Variants in EML4 observed in about 807,000 individuals in gnomAD.
EML4 encodes echinoderm microtubule-associated protein-like 4.
In EML4, 72 loss-of-function variants were observed where a neutral mutation model predicts 129.0. That is an observed-to-expected ratio of 0.56 (90% CI 0.46 to 0.68). The LOEUF (loss-of-function observed/expected upper bound fraction) is 0.68, where lower values mean the gene tolerates loss of function less well. EML4 is among the 30% of genes least tolerant of loss of function. EML4 has a pLI of 0.00. For synonymous variants in EML4, 532 were observed against 405.0 expected (o/e 1.31, Z -3.77); for missense variants, 1,363 against 1,190.6 (o/e 1.14, Z -2.13).
intron 2 of EML4, among the ~76,000 whole-genome samples, chr2:42,251,260 C>G (rs1456995153): frequency 2.0e-5 from 3 of 152,252 alleles, no homozygotes; most frequent in Admixed American, 6.5e-5. Flanking sequence ...CAAACCTAAA[C>G]ATAGAAAAGA....
intron 1 of EML4, among the ~76,000 whole-genome samples, chr2:42,200,092 G>A (rs964071636): frequency 2.7e-4 from 40 of 146,206 alleles, no homozygotes; most frequent in African/African-American, 9.1e-4. Context: ...GGCAGATCGC[G>A]AAGTCAGGAG....
At chr2:42,214,142 C>CTCTT (rs1291457590) in intron 1 of EML4, among the ~76,000 whole-genome samples, 1 of 152,150 alleles carries the variant, frequency 6.6e-6, no homozygotes, top group African/African-American at 2.4e-5. Context: ...TCTCTGTTAA[C>CTCTT]TCTTTCTTAA....
intron 1 of EML4, among the ~76,000 whole-genome samples, chr2:42,202,834 C>T (rs868395419): frequency 6.6e-6 from 1 of 152,088 alleles, no homozygotes; most frequent in East Asian, 1.9e-4. Flanking sequence ...AACCATCACA[C>T]CTGGGCAACG....
intron 1 of EML4, among the ~76,000 whole-genome samples, chr2:42,176,756 T>G (rs1209046636): frequency 6.6e-6 from 1 of 152,204 alleles, no homozygotes; most frequent in East Asian, 1.9e-4. Flanking sequence ...TTACAATTGT[T>G]ATGTCTTATT....
Position 42,330,187 on chromosome 2 carries a change from G to C in EML4, c.2926G>C (p.Asp976His), listed in dbSNP as rs1670030761. The C allele has an allele frequency of 1.2e-6, 2 of 1,612,742 alleles. No homozygotes were observed. The highest frequency in any genetic ancestry group is 1.7e-6 in the Non-Finnish European group (2 of 1,179,822). Residue 976 changes from aspartate to histidine, a missense_variant, in exon 23 of 23, where the codon GAC becomes CAC. Physicochemically the swap from Asp to His is moderately conservative, Grantham distance 81. Coordinates refer to ENST00000318522, the MANE Select transcript of EML4 (RefSeq NM_019063.5). Reference protein sequence around the residue: ...AKATLLEDQQDPSPSS With the variant: ...AKATLLEDQQHPSPSS Reference sequence around the variant, plus strand: ...AGCCACCCTTCTGGAGGACCAGCAAGACCCTTCGCCCTCGTCCTAACACCC... The same window carrying C: ...AGCCACCCTTCTGGAGGACCAGCAACACCCTTCGCCCTCGTCCTAACACCC...
chr2:42,327,395 T>A (rs1669864425), intron 21 of EML4, among the ~76,000 whole-genome samples: 1 of 152,244 alleles, frequency 6.6e-6, no homozygotes, highest in Admixed American at 6.5e-5. Context: ...GGTAACTGTA[T>A]GTTTACTCTT....
At chr2:42,295,778 T>C (rs1558585145) in intron 13 of EML4, among the ~76,000 whole-genome samples, 1 of 152,184 alleles carries the variant, frequency 6.6e-6, no homozygotes, top group Non-Finnish European at 1.5e-5. Context: ...ATGATATGGA[T>C]ATATGTTAGT....
chr2:42,252,610 A>T (rs1255355734), intron 2 of EML4, among the ~76,000 whole-genome samples: 1 of 152,160 alleles, frequency 6.6e-6, no homozygotes, highest in Non-Finnish European at 1.5e-5. Context: ...CTTTTGTTCT[A>T]CGTGCTGGCC....
intron 10 of EML4, among the ~76,000 whole-genome samples, 162 bp from the exon 11 acceptor site, chr2:42,288,065 A>G (rs897345296): frequency 6.6e-6 from 1 of 152,206 alleles, no homozygotes; most frequent in East Asian, 1.9e-4. Context: ...TGAGGAAAAT[A>G]CAATTGTAGT....
At chr2:42,170,387 C>T (rs1670199339) in intron 1 of EML4, 1 of 152,182 alleles carries the variant, frequency 6.6e-6, no homozygotes. Flanking sequence ...AGAAGTGATT[C>T]TGCCCAATGA....
At chr2:42,288,387 A>G (rs1266173501) in intron 11 of EML4, 65 bp downstream of exon 11, 2 of 829,256 alleles carry the variant, frequency 2.4e-6, no homozygotes, top group Non-Finnish European at 4.0e-6. Flanking sequence ...GGTATTTGGA[A>G]CTATATTGGT....
At chr2:42,288,801 A>G (rs1347850811) in intron 11 of EML4, 1 of 152,576 alleles carries the variant, frequency 6.6e-6, no homozygotes, top group Non-Finnish European at 1.5e-5. Context: ...CTATAATTGC[A>G]TTATAACTCT....
At chr2:42,270,520 A>C (rs1666306640) in intron 6 of EML4, among the ~76,000 whole-genome samples, 1 of 152,108 alleles carries the variant, frequency 6.6e-6, no homozygotes, top group Non-Finnish European at 1.5e-5. Context: ...ATGTTTTCTG[A>C]CCTTTTGGCT....
At chr2:42,255,254 T>C (rs964995140) in intron 2 of EML4, among the ~76,000 whole-genome samples, 3 of 151,644 alleles carry the variant, frequency 2.0e-5, no homozygotes, top group Non-Finnish European at 2.9e-5. Flanking sequence ...CCTGGCTAAT[T>C]TTTTGTATTT....
At chr2:42,291,049 C>G (rs908048779) in intron 11 of EML4, among the ~76,000 whole-genome samples, 4 of 152,232 alleles carry the variant, frequency 2.6e-5, no homozygotes, top group African/African-American at 4.8e-5. Context: ...CATTGTGATA[C>G]AAACATAGAT....
chr2:42,269,769 G>T (rs943257731), intron 6 of EML4, among the ~76,000 whole-genome samples: 1 of 152,148 alleles, frequency 6.6e-6, no homozygotes, highest in African/African-American at 2.4e-5. Context: ...TAGCAAGGAG[G>T]TCATTCATCA....
In EML4 at chr2:42,191,801, T is replaced by C. The variant is rs375013330; in HGVS notation, c.25+22165T>C. On this transcript the variant is annotated intron_variant, in intron 1 of 22. Coordinates refer to ENST00000318522, the MANE Select transcript of EML4 (RefSeq NM_019063.5). ...TTTGCCGGGCGTGGTGGCTCACGCC[T>C]ATAATCCCAACACTTTGGGAGGCTG... Among the ~76,000 whole-genome samples the C allele has an allele frequency of 1.0e-3, 156 of 152,314 alleles. 1 individual carries two copies. Among genetic ancestry groups the C allele is most frequent in the African/African-American group, 3.5e-3 (146 of 41,566 alleles).
intron 4 of EML4, among the ~76,000 whole-genome samples, chr2:42,261,908 T>C (rs1418329144): frequency 6.6e-6 from 1 of 152,156 alleles, no homozygotes; most frequent in East Asian, 1.9e-4. Context: ...GGGAGAAATA[T>C]TCTAACAATG....
intron 3 of EML4, among the ~76,000 whole-genome samples, chr2:42,258,549 C>CTT (rs1382127275): frequency 2.0e-5 from 3 of 152,006 alleles, no homozygotes; most frequent in Non-Finnish European, 4.4e-5. Context: ...TACAGGCATG[C>CTT]GCCACCACAC....
Sources: gnomAD v4.1 joint callset for allele counts (sites outside exome capture counted in the v4.1 genomes callset) on GRCh38, gnomAD v4.1.1 for gene constraint, MANE v1.5 for transcripts, NCBI Gene and HGNC (gene_info 2026-07-23, HGNC 2026-07-21) for gene names.